Variants in GABRG3 observed in about 807,000 individuals in gnomAD.
GABRG3 encodes the protein gamma-aminobutyric acid receptor subunit gamma-3.
In GABRG3, 25 loss-of-function variants were observed where a neutral mutation model predicts 48.8. The ratio of observed to expected loss-of-function variants is 0.51; its 90% CI spans 0.37 to 0.72. GABRG3 has a LOEUF of 0.72. GABRG3 is among the 30% of genes least tolerant of loss of function. The pLI is 0.00. For missense variants in GABRG3, 394 were observed against 577.9 expected (o/e 0.68, Z 3.26); for synonymous variants, 227 against 217.6 (o/e 1.04, Z -0.38).
At chr15:27,475,474 A>G (rs140963539) in intron 5 of GABRG3, among the ~76,000 whole-genome samples, 138 of 152,196 alleles carry the variant, frequency 9.1e-4, no homozygotes, top group African/African-American at 3.0e-3. Context: ...GATGATGGCA[A>G]TGATGATAGT....
chr15:27,316,155 T>A (rs895924346), intron 3 of GABRG3, among the ~76,000 whole-genome samples: 7 of 151,926 alleles, frequency 4.6e-5, no homozygotes, highest in Admixed American at 4.6e-4. Context: ...GAGGCCGAGG[T>A]GGGCGGATCA....
At chr15:27,423,077 C>T (rs1195733429) in intron 5 of GABRG3, among the ~76,000 whole-genome samples, 1 of 151,910 alleles carries the variant, frequency 6.6e-6, no homozygotes, top group Non-Finnish European at 1.5e-5. Flanking sequence ...GCCACAGAGA[C>T]ACATCTTACT....
chr15:26,999,580 G>C (rs1895407039), intron 2 of GABRG3, among the ~76,000 whole-genome samples: 1 of 152,088 alleles, frequency 6.6e-6, no homozygotes, highest in East Asian at 1.9e-4. Context: ...CCTTAGGGTA[G>C]TATTCTTGGT....
At chr15:27,349,060 G>A (rs1377569055) in intron 5 of GABRG3, among the ~76,000 whole-genome samples, 1 of 152,088 alleles carries the variant, frequency 6.6e-6, no homozygotes, top group Non-Finnish European at 1.5e-5. Context: ...GCATGGGCAG[G>A]AATTGACAAG....
At chr15:27,379,960 T>G (rs1455204669) in intron 5 of GABRG3, among the ~76,000 whole-genome samples, 1 of 150,998 alleles carries the variant, frequency 6.6e-6, no homozygotes, top group African/African-American at 2.4e-5. Flanking sequence ...TATTATAGTT[T>G]TAAATATTTC....
At chr15:27,051,110 G>A (rs1286165300) in intron 3 of GABRG3, among the ~76,000 whole-genome samples, 1 of 152,204 alleles carries the variant, frequency 6.6e-6, no homozygotes, top group East Asian at 1.9e-4. Context: ...GATGACCATA[G>A]TGCAGTTGTT....
intron 3 of GABRG3, among the ~76,000 whole-genome samples, chr15:27,040,843 A>G (rs531824032): frequency 6.6e-6 from 1 of 152,234 alleles, no homozygotes; most frequent in African/African-American, 2.4e-5. Context: ...TTTACATGAG[A>G]TAAGAAGGGA....
intron 3 of GABRG3, among the ~76,000 whole-genome samples, chr15:27,141,317 G>A (rs930477843): frequency 2.6e-5 from 4 of 152,162 alleles, no homozygotes; most frequent in African/African-American, 9.7e-5. Context: ...TAGATCCTAG[G>A]TTAAGCTCCA....
At position 27,180,856 on chromosome 15, in the gene GABRG3, C is replaced by T. The variant is rs1341487209; in HGVS notation, c.271-145953C>T. ...GCCACTGAAAAGGTCTATCTTATGT[C>T]TACTTAAGGCTGGAGGCTTGGACTA... On this transcript the variant is annotated intron_variant, in intron 3 of 9. Coordinates refer to ENST00000615808, the MANE Select transcript of GABRG3 (RefSeq NM_033223.5). The surrounding 1 kb of genome is among the most constrained non-coding windows in gnomAD (Gnocchi z 4.2). Among the ~76,000 whole-genome samples, 2 of 152,156 alleles carry T rather than the reference C, an allele frequency of 1.3e-5. No homozygotes were observed. Among genetic ancestry groups the T allele is most frequent in the African/African-American group, 4.8e-5 (2 of 41,436 alleles).
intron 2 of GABRG3, among the ~76,000 whole-genome samples, 199 bp from the exon 3 acceptor site, chr15:27,026,555 C>T (rs1452361823): frequency 6.6e-6 from 1 of 152,192 alleles, no homozygotes. Flanking sequence ...GTAAGAATCT[C>T]TCATCCTTCG....
chr15:27,227,380 CT>C (rs60968976), intron 3 of GABRG3, among the ~76,000 whole-genome samples: 2,631 of 152,096 alleles, frequency 0.017, 71 homozygotes, highest in African/African-American at 0.061. Flanking sequence ...ACCTGTAGTC[CT>C]TTGTTACTTG....
intron 5 of GABRG3, among the ~76,000 whole-genome samples, chr15:27,416,608 G>A (rs137985381): frequency 5.3e-5 from 8 of 152,254 alleles, no homozygotes; most frequent in African/African-American, 1.4e-4. Flanking sequence ...GGTTTTCGAC[G>A]GTTGAGTCCC....
intron 3 of GABRG3, among the ~76,000 whole-genome samples, chr15:27,278,042 A>G (rs986775466): frequency 6.6e-6 from 1 of 151,148 alleles, no homozygotes; most frequent in African/African-American, 2.5e-5. Flanking sequence ...GTGTGTCTGT[A>G]TATAGCTCGA....
intron 3 of GABRG3, among the ~76,000 whole-genome samples, chr15:27,196,454 G>T (rs1037885272): frequency 6.6e-6 from 1 of 152,066 alleles, no homozygotes; most frequent in African/African-American, 2.4e-5. Flanking sequence ...TTAAAATGCC[G>T]AAGTGTCTTT....
chr15:27,042,273 C>G (rs1217599655), intron 3 of GABRG3, among the ~76,000 whole-genome samples: 1 of 152,190 alleles, frequency 6.6e-6, no homozygotes, highest in Non-Finnish European at 1.5e-5. Flanking sequence ...ACACAGGAGC[C>G]AAGCATATGA....
At chr15:27,211,842 A>G (rs1183359702) in intron 3 of GABRG3, among the ~76,000 whole-genome samples, 4 of 152,192 alleles carry the variant, frequency 2.6e-5, no homozygotes. Context: ...AAACTACTAC[A>G]TTGAGTATAT....
chr15:27,503,144 G>A (rs1890683057), intron 6 of GABRG3, among the ~76,000 whole-genome samples: 2 of 152,198 alleles, frequency 1.3e-5, no homozygotes, highest in African/African-American at 4.8e-5. Context: ...GCTCCATCCT[G>A]AAGGTGCCTA....
At chr15:27,028,528 C>T (rs189012103) in intron 3 of GABRG3, among the ~76,000 whole-genome samples, 83 of 152,196 alleles carry the variant, frequency 5.5e-4, no homozygotes, top group Non-Finnish European at 3.8e-4. Context: ...AAATCCAGGC[C>T]GGGCACAGTG....
chr15:27,194,525 A>G (rs1390119338), intron 3 of GABRG3, among the ~76,000 whole-genome samples: 1 of 152,182 alleles, frequency 6.6e-6, no homozygotes, highest in South Asian at 2.1e-4. Flanking sequence ...AGGTATTTCT[A>G]CTAAATGTAG....
Sources: gnomAD v4.1 joint callset for allele counts (sites outside exome capture counted in the v4.1 genomes callset) on GRCh38, gnomAD v4.1.1 for gene constraint, Gnocchi (gnomAD v3.1) non-coding constraint, MANE v1.5 for transcripts, NCBI Gene and HGNC (gene_info 2026-07-23, HGNC 2026-07-21) for gene names.